The following ENTPD1 variants were observed in gnomAD, a reference collection of about 807,000 sequenced individuals.
ENTPD1 encodes ectonucleoside triphosphate diphosphohydrolase 1, also known as ATP diphosphohydrolase.
In ENTPD1, 33 loss-of-function variants were observed where a neutral mutation model predicts 57.0. The ratio of observed to expected loss-of-function variants is 0.58; its 90% confidence interval spans 0.44 to 0.77. The LOEUF (loss-of-function observed/expected upper bound fraction) is 0.77, where lower values mean the gene tolerates loss of function less well. Among genes scored for constraint, ENTPD1 ranks in the 30% least tolerant of loss-of-function variants. The pLI is 0.00. For missense variants in ENTPD1, 501 were observed against 603.4 expected (o/e 0.83, Z 1.78); for synonymous variants, 202 against 218.8 (o/e 0.92, Z 0.68).
At chr10:95,760,814 C>T (rs1388330053) in intron 1 of ENTPD1, among the ~76,000 whole-genome samples, 402 of 62,850 alleles carry the variant, frequency 6.4e-3, no homozygotes, top group East Asian at 0.013. Flanking sequence ...AGAGTTTATT[C>T]TTTTTTTTTT....
intron 1 of ENTPD1, among the ~76,000 whole-genome samples, chr10:95,762,040 T>C (rs1437242085): frequency 6.6e-6 from 1 of 152,084 alleles, no homozygotes; most frequent in Admixed American, 6.6e-5. Context: ...AAATAAGTTG[T>C]TGGAGAAAAA....
At chr10:95,804,699 G>T (rs985260169) in intron 1 of ENTPD1, among the ~76,000 whole-genome samples, 1 of 152,182 alleles carries the variant, frequency 6.6e-6, no homozygotes, top group Non-Finnish European at 1.5e-5. Flanking sequence ...GCCCTGTCCA[G>T]AACTTCCAAC....
intron 2 of ENTPD1, among the ~76,000 whole-genome samples, chr10:95,838,426 A>G (rs1030970286): frequency 2.6e-5 from 4 of 152,240 alleles, no homozygotes. Context: ...TCAACAGTTG[A>G]ATGGATAAAA....
chr10:95,817,045 G>A (rs749162912), intron 1 of ENTPD1, among the ~76,000 whole-genome samples: 1 of 152,208 alleles, frequency 6.6e-6, no homozygotes, highest in Non-Finnish European at 1.5e-5. Context: ...GAGGCTTACA[G>A]AGACTAAGCA....
intron 1 of ENTPD1, among the ~76,000 whole-genome samples, chr10:95,721,642 T>A (rs2097977513): frequency 6.6e-6 from 1 of 151,728 alleles, no homozygotes; most frequent in South Asian, 2.1e-4. Context: ...TTCTCCAGAA[T>A]ACATCTTAGG....
At chr10:95,826,965 G>T (rs556817371) in intron 2 of ENTPD1, among the ~76,000 whole-genome samples, 1 of 152,134 alleles carries the variant, frequency 6.6e-6, no homozygotes, top group Admixed American at 6.5e-5. Context: ...AAAGCAGTTG[G>T]ATAATCAGAT....
intron 1 of ENTPD1, among the ~76,000 whole-genome samples, chr10:95,739,948 C>G (rs2097998603): frequency 6.6e-6 from 1 of 152,198 alleles, no homozygotes; most frequent in Non-Finnish European, 1.5e-5. Flanking sequence ...ACATTTCCAT[C>G]AGAGCTCCTG....
chr10:95,751,236 G>A (rs370406626), upstream of ENTPD1, among the ~76,000 whole-genome samples: 1 of 152,140 alleles, frequency 6.6e-6, no homozygotes, highest in Non-Finnish European at 1.5e-5. Flanking sequence ...ATCAGATATC[G>A]ATTTCAGAAA....
intron 1 of ENTPD1, among the ~76,000 whole-genome samples, chr10:95,772,830 A>T (rs186415914): frequency 9.8e-5 from 15 of 152,364 alleles, no homozygotes; most frequent in Non-Finnish European, 1.8e-4. Flanking sequence ...TGATAGCTAT[A>T]GCCTTATTAA....
At chr10:95,728,791 T>A (rs1190054444) in intron 1 of ENTPD1, among the ~76,000 whole-genome samples, 1 of 152,198 alleles carries the variant, frequency 6.6e-6, no homozygotes, top group Non-Finnish European at 1.5e-5. Context: ...AATAGTACAG[T>A]ATGTTCTACG....
intron 1 of ENTPD1, among the ~76,000 whole-genome samples, chr10:95,787,831 A>G (rs1328833335): frequency 6.6e-6 from 1 of 152,030 alleles, no homozygotes; most frequent in African/African-American, 2.4e-5. Context: ...GAGTATTAAC[A>G]AAAAAAAGTA....
rs1391329098 is a variant in ENTPD1, at chr10:95,876,350, T to C, written c.*9967T>C. 3.0e-6 allele frequency: 3 copies of C among 985,416 alleles called. No individual in the cohort carries two copies. The highest frequency in any genetic ancestry group is 1.1e-4 in the East Asian group (1 of 8,822). The allele number at this position is 985,416 out of a possible 1,614,324, so 61.0% of individuals were successfully genotyped here. A position where few individuals can be genotyped will look rare whatever the true frequency, so the allele number is the denominator to read the frequency against. On this transcript the variant is annotated 3_prime_UTR_variant, in exon 10 of 10. Transcript: ENST00000371205. The stretch of plus-strand genomic sequence containing the variant: ...GGGGGCAAATACAGATAAATGGTAA[T>C]TCTTAGAATGAACTACTCAGCACCA...
rs556178345 is a variant in ENTPD1, at chr10:95,840,046, G to T, written c.262+238G>T. ...TAATTAATAGTAGCTCCCATCAACA[G>T]AACACTTCTGCATGCTATGTACTTA... is the stretch of plus-strand genomic sequence containing the variant. On this transcript the variant is annotated intron_variant, in intron 3 of 9. Coordinates refer to ENST00000371205, the MANE Select transcript of ENTPD1 (RefSeq NM_001776.6). Among the ~76,000 whole-genome samples, 3 of 152,272 alleles carry T rather than the reference G, an allele frequency of 2.0e-5. No homozygotes were observed. In the South Asian group the frequency reaches 6.2e-4, roughly 32 times the overall value.
chr10:95,704,015 C>T, the ENTPD1 span, among the ~76,000 whole-genome samples: 31 of 151,694 alleles, frequency 2.0e-4, no homozygotes, highest in African/African-American at 5.1e-4. Context: ...TGCTTGAACC[C>T]GGGAGGCAGA....
intron 1 of ENTPD1, among the ~76,000 whole-genome samples, chr10:95,747,965 G>A (rs1262290972): frequency 6.6e-6 from 1 of 151,482 alleles, no homozygotes; most frequent in Admixed American, 6.6e-5. Flanking sequence ...TCTGCCTCCT[G>A]GATTCACACC....
intron 2 of ENTPD1, among the ~76,000 whole-genome samples, chr10:95,824,757 G>A (rs978988246): frequency 3.3e-5 from 5 of 152,198 alleles, no homozygotes; most frequent in Non-Finnish European, 5.9e-5. Flanking sequence ...GGTCATGGAC[G>A]ACCTTCCCTC....
chr10:95,739,944 C>G lies in ENTPD1; in HGVS notation c.37+27951C>G, dbSNP rs7078031. Among the ~76,000 whole-genome samples the G allele has an allele frequency of 3.3e-3, 505 of 152,290 alleles. 2 individuals are homozygous for G. Among genetic ancestry groups the G allele is most frequent in the African/African-American group, 0.012 (478 of 41,542 alleles). The stretch of plus-strand genomic sequence containing the variant: ...ATAACATTCATCTTCTTGTACATTT[C>G]CATCAGAGCTCCTGGGTGATCAAGT... On this transcript the variant is annotated intron_variant, in intron 1 of 9. Coordinates refer to the ENTPD1 transcript ENST00000453258.
chr10:95,732,190 C>T (rs914966009), intron 1 of ENTPD1, among the ~76,000 whole-genome samples: 7 of 152,130 alleles, frequency 4.6e-5, no homozygotes, highest in Non-Finnish European at 1.0e-4. Context: ...ATTAGGCCAG[C>T]AATGATTACA....
chr10:95,757,185 C>G (rs928881381), intron 1 of ENTPD1, among the ~76,000 whole-genome samples: 1 of 152,220 alleles, frequency 6.6e-6, no homozygotes, highest in African/African-American at 2.4e-5. Context: ...CAACATATTT[C>G]TTAATACTTA....
Sources: gnomAD v4.1 joint callset for allele counts (sites outside exome capture counted in the v4.1 genomes callset) on GRCh38, gnomAD v4.1.1 for gene constraint, MANE v1.5 for transcripts, NCBI Gene and HGNC (gene_info 2026-07-23, HGNC 2026-07-21) for gene names.